Variants in SORCS2 observed in about 807,000 individuals in gnomAD.
SORCS2 encodes VPS10 domain-containing receptor SorCS2.
SORCS2 carries 100 observed loss-of-function variants against 141.6 expected under a neutral mutation model. The ratio of observed to expected loss-of-function variants is 0.71; its 90% confidence interval spans 0.60 to 0.83. The LOEUF is 0.83. Among genes scored for constraint, SORCS2 ranks in the 40% least tolerant of loss-of-function variants. The probability of loss-of-function intolerance (pLI) is 0.00; values close to 1 mark genes in which losing one functional copy is unlikely to be tolerated. For missense variants in SORCS2, 1,646 were observed against 1,560.2 expected (o/e 1.05, Z -0.93); for synonymous variants, 789 against 676.9 (o/e 1.17, Z -2.57).
In SORCS2 at chr4:7,381,384, C is replaced by T. The variant is rs576920730; in HGVS notation, c.481-14904C>T. On this transcript the variant is annotated intron_variant, in intron 1 of 26. Coordinates refer to ENST00000507866, the MANE Select transcript of SORCS2 (RefSeq NM_020777.3). ...AGGGTGCTTCCCCAGAAGAAGAGCA[C>T]ACTGTGTCCAAAGCCACGCAGTGTT... Among the ~76,000 whole-genome samples the T allele has an allele frequency of 5.3e-5, 8 of 152,294 alleles. No individual in the cohort carries two copies. In the East Asian group the frequency reaches 7.8e-4, roughly 15 times the overall value.
At chr4:7,556,328 AT>A (rs1332493108) in intron 3 of SORCS2, among the ~76,000 whole-genome samples, 1 of 152,154 alleles carries the variant, frequency 6.6e-6, no homozygotes, top group Non-Finnish European at 1.5e-5. Flanking sequence ...GCCTCGAGGC[AT>A]CTGAGTGGGG....
At chr4:7,536,036 G>A (rs1215211518) in intron 3 of SORCS2, among the ~76,000 whole-genome samples, 1 of 152,242 alleles carries the variant, frequency 6.6e-6, no homozygotes, top group Admixed American at 6.5e-5. Context: ...TCAGGAGAAT[G>A]AAACATTGGC....
chr4:7,732,129 C>T lies in SORCS2; in HGVS notation c.3109-1193C>T, dbSNP rs193152147. On this transcript the variant is annotated intron_variant, in intron 23 of 26. Coordinates refer to ENST00000507866, the MANE Select transcript of SORCS2 (RefSeq NM_020777.3). ...ACAGGTGACTCGATTAAAAAACGGG[C>T]AAAGGAGCCAAGTAGACATTTCTCA... Among the ~76,000 whole-genome samples the T allele has an allele frequency of 2.6e-3, 390 of 152,262 alleles. 3 individuals carry two copies. Among genetic ancestry groups the T allele is most frequent in the African/African-American group, 9.0e-3 (373 of 41,560 alleles).
chr4:7,596,257 C>T lies in SORCS2; in HGVS notation c.649-42071C>T, dbSNP rs115483904. ...ATAGGGAAGAGAGCTTTGAGGATTC[C>T]GGTGAGATTCACAATGGCCAGCTTG... is the stretch of plus-strand genomic sequence containing the variant. On this transcript the variant is annotated intron_variant, in intron 3 of 26. Coordinates refer to ENST00000507866, the MANE Select transcript of SORCS2 (RefSeq NM_020777.3). Among the ~76,000 whole-genome samples, 1,136 of 152,210 alleles carry T rather than the reference C, an allele frequency of 7.5e-3. 13 individuals carry two copies. The highest frequency in any genetic ancestry group is 0.026 in the African/African-American group (1,061 of 41,542).
chr4:7,690,605 G>A (rs1029145380), intron 11 of SORCS2, among the ~76,000 whole-genome samples: 1 of 151,946 alleles, frequency 6.6e-6, no homozygotes, highest in African/African-American at 2.4e-5. Context: ...TGGGTGAGTG[G>A]ATGGATGGAT....
intron 2 of SORCS2, among the ~76,000 whole-genome samples, chr4:7,414,001 G>A (rs939109180): frequency 5.9e-5 from 9 of 152,268 alleles, no homozygotes; most frequent in East Asian, 1.9e-4. Flanking sequence ...ATGTAGAGAC[G>A]AAAGAGCCAT....
chr4:7,607,847 C>G (rs1389428559), intron 3 of SORCS2, among the ~76,000 whole-genome samples: 1 of 152,076 alleles, frequency 6.6e-6, no homozygotes, highest in African/African-American at 2.4e-5. Context: ...GCCCCCAGCC[C>G]CAGGGCTGTC....
chr4:7,201,991 C>T lies in SORCS2; in HGVS notation c.480+8865C>T, dbSNP rs565690568. Among the ~76,000 whole-genome samples the T allele has an allele frequency of 5.9e-5, 9 of 151,824 alleles. No homozygotes were observed. Among genetic ancestry groups the T allele is most frequent in the African/African-American group, 1.9e-4 (8 of 41,394 alleles). On this transcript the variant is annotated intron_variant, in intron 1 of 26. Coordinates refer to ENST00000507866, the MANE Select transcript of SORCS2 (RefSeq NM_020777.3). The surrounding 1 kb of genome is among the most constrained non-coding windows in gnomAD (Gnocchi z 4.4). ...TCACATCCTGCTTTTTCTTGGAAAG[C>T]GCCGTCCTGGATGTGAGCTTGGATT...
chr4:7,416,627 C>T (rs530399156), intron 2 of SORCS2, among the ~76,000 whole-genome samples: 1 of 152,182 alleles, frequency 6.6e-6, no homozygotes, highest in East Asian at 1.9e-4. Context: ...CGCATATGGA[C>T]ACATTCACAC....
intron 2 of SORCS2, among the ~76,000 whole-genome samples, chr4:7,486,718 C>T (rs1731011684): frequency 6.6e-6 from 1 of 152,186 alleles, no homozygotes; most frequent in African/African-American, 2.4e-5. Flanking sequence ...CCTCCTGGCT[C>T]TTCCGGCTTC....
At chr4:7,384,784 G>A (rs1723192685) in intron 1 of SORCS2, among the ~76,000 whole-genome samples, 1 of 152,348 alleles carries the variant, frequency 6.6e-6, no homozygotes, top group Admixed American at 6.5e-5. Flanking sequence ...AGGCTCAGTG[G>A]CTTGCCCAGG....
At chr4:7,683,726 G>A (rs1273722813) in intron 10 of SORCS2, among the ~76,000 whole-genome samples, 1 of 152,222 alleles carries the variant, frequency 6.6e-6, no homozygotes. Context: ...AAGTGATAGA[G>A]CTGGGCCAGA....
chr4:7,664,266 G>T lies in SORCS2; in HGVS notation c.953-87G>T. 9.6e-7 allele frequency: 1 copy of T among 1,044,702 alleles called. No homozygotes were observed. Among genetic ancestry groups the T allele is most frequent in the Non-Finnish European group, 1.4e-6 (1 of 703,296 alleles). 64.7% of individuals were successfully genotyped at this position (1,044,702 alleles called of 1,614,324 possible). On this transcript the variant is annotated intron_variant, in intron 6 of 26. Coordinates refer to ENST00000507866, the MANE Select transcript of SORCS2 (RefSeq NM_020777.3). The surrounding 1 kb of genome is among the most constrained non-coding windows in gnomAD (Gnocchi z 4.7). ...ATGAAGCCACACCACAGCGGTATTG[G>T]AGGAAGATGGAGTCCAGCACATGTC...
At chr4:7,688,279 C>A (rs1303764073) in intron 10 of SORCS2, among the ~76,000 whole-genome samples, 1 of 152,194 alleles carries the variant, frequency 6.6e-6, no homozygotes, top group East Asian at 1.9e-4. Flanking sequence ...CTCACCGTCA[C>A]TGTCTTCATT....
intron 2 of SORCS2, among the ~76,000 whole-genome samples, chr4:7,471,956 A>G (rs538734958): frequency 3.3e-5 from 5 of 152,234 alleles, no homozygotes; most frequent in Admixed American, 1.3e-4. Flanking sequence ...GTGGATTAGA[A>G]CCTGGCCTCC....
intron 2 of SORCS2, among the ~76,000 whole-genome samples, chr4:7,520,115 C>A (rs978009585): frequency 1.3e-5 from 2 of 152,194 alleles, no homozygotes; most frequent in African/African-American, 4.8e-5. Context: ...CCAGGGTGGA[C>A]TCACTTCCCA....
chr4:7,667,123 G>GTCT lies in SORCS2; in HGVS notation c.1072-1_1072insTCT (p.Lys357_Ala358insSer). On this transcript the variant is annotated inframe_insertion and splice_region_variant. Coordinates refer to ENST00000507866, the MANE Select transcript of SORCS2 (RefSeq NM_020777.3). ...AAAAATGTGTTTCTTCCCCCGGTTA[G>GTCT]GCAACATCAGCAAACCAGACAAAAT... is the stretch of plus-strand genomic sequence containing the variant. 6.2e-7 allele frequency: 1 copy of GTCT among 1,612,424 alleles called. No individual in the cohort carries two copies. Among genetic ancestry groups the GTCT allele is most frequent in the Non-Finnish European group, 8.5e-7 (1 of 1,178,564 alleles).
chr4:7,266,762 C>T (rs1714763085), intron 1 of SORCS2, among the ~76,000 whole-genome samples: 1 of 152,242 alleles, frequency 6.6e-6, no homozygotes. Context: ...CACTCTGCTG[C>T]TTTGGACCTC....
intron 3 of SORCS2, among the ~76,000 whole-genome samples, chr4:7,574,979 T>C (rs1208765884): frequency 6.6e-6 from 1 of 152,226 alleles, no homozygotes; most frequent in East Asian, 1.9e-4. Flanking sequence ...GAGAGCCCCA[T>C]TGTCTCACCT....
Sources: gnomAD v4.1 joint callset for allele counts (sites outside exome capture counted in the v4.1 genomes callset) on GRCh38, gnomAD v4.1.1 for gene constraint, Gnocchi (gnomAD v3.1) non-coding constraint, MANE v1.5 for transcripts, NCBI Gene and HGNC (gene_info 2026-07-23, HGNC 2026-07-21) for gene names.